Variants in UMODL1 observed in about 807,000 individuals in gnomAD.
UMODL1 encodes the protein uromodulin like 1.
Under a neutral mutation model 136.3 loss-of-function variants are expected in UMODL1, and 128 were observed. The observed-to-expected ratio is 0.94, with a 90% CI of 0.81 to 1.09. The LOEUF (loss-of-function observed/expected upper bound fraction) is 1.09, where lower values mean the gene tolerates loss of function less well. Ranked by LOEUF, UMODL1 falls within the 50% of genes least tolerant of loss-of-function variation. The pLI is 0.00. For synonymous variants in UMODL1, 721 were observed against 720.0 expected, an observed-to-expected ratio of 1.00 and a Z score of -0.02; for missense variants, 1,766 against 1,725.6, an observed-to-expected ratio of 1.02 and a Z score of -0.41.
chr21:42,069,243 CA>C (rs373863572), upstream of UMODL1, among the ~76,000 whole-genome samples: 2 of 146,522 alleles, frequency 1.4e-5, no homozygotes, highest in African/African-American at 2.5e-5. Context: ...CACACACACA[CA>C]CACACACACA....
At chr21:42,116,259 C>T in intron 14 of UMODL1, among the ~76,000 whole-genome samples, 1 of 150,428 alleles carries the variant, frequency 6.6e-6, no homozygotes, top group East Asian at 1.9e-4. Context: ...CAGGCTAAGG[C>T]AGGAGAATCT....
intron 6 of UMODL1, among the ~76,000 whole-genome samples, chr21:42,090,793 A>G (rs557140259): frequency 6.6e-6 from 1 of 152,332 alleles, no homozygotes; most frequent in South Asian, 2.1e-4. Context: ...TGTTTTTCTG[A>G]AATAGATGAT....
At chr21:42,104,160 T>G (rs2066681123) in intron 9 of UMODL1, 73 bp downstream of exon 9, 1 of 1,439,340 alleles carries the variant, frequency 6.9e-7, no homozygotes, top group Non-Finnish European at 9.4e-7. Flanking sequence ...TTTATTTGAG[T>G]CAGTCTTTCC....
chr21:42,098,064 G>A (rs1053986456), intron 6 of UMODL1, among the ~76,000 whole-genome samples: 1 of 152,202 alleles, frequency 6.6e-6, no homozygotes, highest in East Asian at 1.9e-4. Flanking sequence ...AGCAGCCCAG[G>A]GCCTCAGGAG....
At chr21:42,077,616 C>T (rs534450071) in intron 2 of UMODL1, among the ~76,000 whole-genome samples, 18 of 152,312 alleles carry the variant, frequency 1.2e-4, no homozygotes, top group East Asian at 7.7e-4. Context: ...CTGGGAACTG[C>T]GGATATAGCT....
chr21:42,127,558 C>A (rs531762255), intron 19 of UMODL1, 114 bp from the exon 20 acceptor site: 1 of 1,272,304 alleles, frequency 7.9e-7, no homozygotes, highest in Non-Finnish European at 1.1e-6. Flanking sequence ...TCGACTTCCA[C>A]GGAGCCTGTG....
At position 42,115,857 on chromosome 21, in the gene UMODL1, A is replaced by G. The variant is rs1012426167; in HGVS notation, c.2363-16A>G. Reference sequence around the variant, plus strand: ...TACAGCACCAATTCCAAATGTGCTTATCCTCCATCCTGCAGCAGCCCGGAA... The same window carrying G: ...TACAGCACCAATTCCAAATGTGCTTGTCCTCCATCCTGCAGCAGCCCGGAA... On this transcript the variant is annotated splice_polypyrimidine_tract_variant and intron_variant, in intron 13 of 22. Transcript: ENST00000408910. The G allele has an allele frequency of 6.3e-6, 10 of 1,597,826 alleles. No homozygotes were observed. Among genetic ancestry groups the G allele is most frequent in the Non-Finnish European group, 8.6e-6 (10 of 1,165,266 alleles).
intron 15 of UMODL1, chr21:42,120,700 C>T (rs2066958554): frequency 1.8e-5 from 3 of 170,596 alleles, no homozygotes; most frequent in South Asian, 2.0e-4. Flanking sequence ...AGCATCATGG[C>T]GAAAGGCAAA....
Position 42,111,609 on chromosome 21 carries a change from T to C in UMODL1, c.2003T>C (p.Leu668Pro), listed in dbSNP as rs1161513943. The part of the protein sequence containing the change: ...WHATRSTRET[L>P]LNPTWLRNED... ...GCCACCCGTTCCACCCGGGAAACAC[T>C]TCTGAATCCCACGTGGCTGCGAAAT... is the stretch of plus-strand genomic sequence containing the variant. Residue 668 changes from leucine (L) to proline (P), a missense_variant, in exon 12 of 23, where the codon CTT becomes CCT. Coordinates refer to ENST00000408910, the MANE Select transcript of UMODL1 (RefSeq NM_001004416.3). 1 of 1,614,100 alleles carries C rather than the reference T, an allele frequency of 6.2e-7. No individual in the cohort carries two copies. Among genetic ancestry groups the C allele is most frequent in the Middle Eastern group, 1.6e-4 (1 of 6,062 alleles).
Position 42,121,208 on chromosome 21 carries a change from TGA to T in UMODL1, c.2816_2817del (p.Arg939ThrfsTer3), listed in dbSNP as rs2066967008. 6.2e-7 allele frequency: 1 copy of T among 1,613,226 alleles called. No individual in the cohort carries two copies. The highest frequency in any genetic ancestry group is 8.5e-7 in the Non-Finnish European group (1 of 1,179,540). ...CCCCCGACTTCCCTGTGGAATATTC[TGA>T]GAGACCCTGTGAAGGTAATGTCGTC... Reference protein sequence around the residue: ...GAPDFPVEYSERPCEGDSPGN... With the variant: ...GAPDFPVEYSXRPCEGDSPGN... On this transcript the variant is annotated frameshift_variant, in exon 16 of 23. Transcript: ENST00000408910. LOFTEE classifies it high-confidence loss of function.
rs7276814 is a variant in UMODL1, at chr21:42,085,947, C to T, written c.603+535C>T. Among the ~76,000 whole-genome samples the T allele has an allele frequency of 0.1, 15,344 of 152,230 alleles. 841 individuals are homozygous for T. The highest frequency in any genetic ancestry group is 0.14 in the Middle Eastern group (40 of 294). On this transcript the variant is annotated intron_variant, in intron 4 of 22. Transcript: ENST00000408910. This position sits in a 1 kb window ranked among gnomAD's most constrained non-coding sequence, Gnocchi z 4.5. ...GGTGGCATCCAAAACTGTCTCCAGA[C>T]GTCGCCCACTGTCCCCTGGGGATAA...
At chr21:42,075,898 G>A (rs1297040533) in intron 1 of UMODL1, 107 bp from the exon 2 acceptor site, 13 of 1,515,338 alleles carry the variant, frequency 8.6e-6, no homozygotes, top group East Asian at 4.5e-5. Context: ...GCGCGAGTGC[G>A]GGAGGTGTGC....
At chr21:42,112,165 C>T (rs910371529) in intron 12 of UMODL1, among the ~76,000 whole-genome samples, 3 of 151,886 alleles carry the variant, frequency 2.0e-5, no homozygotes, top group Non-Finnish European at 4.4e-5. Context: ...GTTCTGCACC[C>T]CTCAGCTGTT....
intron 2 of UMODL1, among the ~76,000 whole-genome samples, chr21:42,080,439 C>T (rs1185891071): frequency 1.3e-5 from 2 of 152,182 alleles, no homozygotes; most frequent in African/African-American, 4.8e-5. Flanking sequence ...TCCTATCCCC[C>T]AGACAGTGGT....
At chr21:42,075,885 C>T in intron 1 of UMODL1, 120 bp from the exon 2 acceptor site, 1 of 1,450,694 alleles carries the variant, frequency 6.9e-7, no homozygotes, top group Non-Finnish European at 9.4e-7. Flanking sequence ...TTCTGAGAGG[C>T]CTGCGCGAGT....
chr21:42,100,615 A>G (rs1366340107), intron 7 of UMODL1, among the ~76,000 whole-genome samples: 2 of 151,994 alleles, frequency 1.3e-5, no homozygotes, highest in African/African-American at 2.4e-5. Context: ...CTTTTTGGAA[A>G]CTGAGGCCTG....
At position 42,085,942 on chromosome 21, in the gene UMODL1, C is replaced by T. The variant is rs1172965151; in HGVS notation, c.603+530C>T. ...CCCAGGGTGGCATCCAAAACTGTCTCCAGACGTCGCCCACTGTCCCCTGGG... is the reference window on the plus strand; with the variant it reads ...CCCAGGGTGGCATCCAAAACTGTCTTCAGACGTCGCCCACTGTCCCCTGGG... On this transcript the variant is annotated intron_variant, in intron 4 of 22. Coordinates refer to ENST00000408910, the MANE Select transcript of UMODL1 (RefSeq NM_001004416.3). The surrounding 1 kb of genome is among the most constrained non-coding windows in gnomAD (Gnocchi z 4.5). Among the ~76,000 whole-genome samples, 1 of 152,222 alleles carries T rather than the reference C, an allele frequency of 6.6e-6. No homozygotes were observed. Among genetic ancestry groups the T allele is most frequent in the Admixed American group, 6.5e-5 (1 of 15,286 alleles).
chr21:42,112,299 T>TTCTGTATCTCCCCAGCTGC (rs2066843368), intron 12 of UMODL1, among the ~76,000 whole-genome samples: 2 of 150,422 alleles, frequency 1.3e-5, no homozygotes, highest in African/African-American at 5.0e-5. Context: ...TCCCCAGCTG[T>TTCTGTATCTCCCCAGCTGC]TCTGTATCTC....
chr21:42,134,999 G>A lies in UMODL1; in HGVS notation c.3776-2440G>A, dbSNP rs111286769. ...TGTTACATAGGTGTACATGTGCCAC[G>A]GTGGTTTGCTGCACCCATCAACCCA... On this transcript the variant is annotated intron_variant, in intron 21 of 22. Transcript: ENST00000408910. Among the ~76,000 whole-genome samples, 776 of 152,240 alleles carry A rather than the reference G, an allele frequency of 5.1e-3. 6 individuals carry two copies. The highest frequency in any genetic ancestry group is 0.018 in the African/African-American group (736 of 41,524).
Sources: allele counts gnomAD v4.1 joint callset (sites outside exome capture counted in the v4.1 genomes callset), GRCh38; gene constraint gnomAD v4.1.1; non-coding constraint Gnocchi (gnomAD v3.1); transcripts MANE v1.5; gene names NCBI Gene and HGNC (gene_info 2026-07-23, HGNC 2026-07-21).